The following KCNJ6 variants were observed in gnomAD, a reference collection of about 807,000 sequenced individuals.
KCNJ6 encodes G protein-activated inward rectifier potassium channel 2.
A neutral mutation model predicts 34.2 loss-of-function variants in KCNJ6; 9 were observed. The observed-to-expected ratio is 0.26, with a 90% CI of 0.16 to 0.46. The LOEUF (loss-of-function observed/expected upper bound fraction) is 0.46, where lower values mean the gene tolerates loss of function less well. Among genes scored for constraint, KCNJ6 ranks in the 20% least tolerant of loss-of-function variants. The pLI, the probability that KCNJ6 is intolerant of heterozygous loss-of-function variation, is 1.00. For synonymous variants in KCNJ6, 196 were observed against 207.1 expected (o/e 0.95, Z 0.46); for missense variants, 236 against 531.3 (o/e 0.44, Z 5.46).
At chr21:37,761,371 T>A (rs2055061910) in intron 2 of KCNJ6, among the ~76,000 whole-genome samples, 1 of 151,400 alleles carries the variant, frequency 6.6e-6, no homozygotes, top group Non-Finnish European at 1.5e-5. Flanking sequence ...TGTGTGTGTA[T>A]ATTTGTGTGT....
At position 37,831,800 on chromosome 21, in the gene KCNJ6, G is replaced by A. The variant is rs1159262260; in HGVS notation, c.25+8858C>T. On this transcript the variant is annotated intron_variant, in intron 2 of 3. Transcript: ENST00000609713. ...GGGGAATGCGCAAGGAGGGGAAGTGGAGAATTGTCAGAAGGCGGTCTTGCG... is the reference window on the plus strand; with the variant it reads ...GGGGAATGCGCAAGGAGGGGAAGTGAAGAATTGTCAGAAGGCGGTCTTGCG... Among the ~76,000 whole-genome samples the A allele has an allele frequency of 3.3e-5, 5 of 152,184 alleles. No homozygotes were observed. In the East Asian group the frequency reaches 7.7e-4, roughly 23 times the overall value.
At chr21:37,681,857 G>A (rs2054592290) in intron 3 of KCNJ6, among the ~76,000 whole-genome samples, 1 of 152,170 alleles carries the variant, frequency 6.6e-6, no homozygotes, top group Non-Finnish European at 1.5e-5. Flanking sequence ...TTGGTTCAGT[G>A]AGACCACTCA....
chr21:37,840,590 C>CT (rs533818385), intron 2 of KCNJ6, 68 bp downstream of exon 2: 89 of 1,112,950 alleles, frequency 8.0e-5, no homozygotes, highest in Admixed American at 5.4e-4. Context: ...CACGGGATGT[C>CT]TTTTTTGTGC....
At chr21:37,642,830 CAAAA>C (rs1569435888) in intron 3 of KCNJ6, among the ~76,000 whole-genome samples, 2 of 151,862 alleles carry the variant, frequency 1.3e-5, no homozygotes, top group Non-Finnish European at 2.9e-5. Context: ...TCTACTAAAA[CAAAA>C]AAAGATACTT....
chr21:37,876,152 T>C (rs2055676887), intron 1 of KCNJ6, among the ~76,000 whole-genome samples: 1 of 152,212 alleles, frequency 6.6e-6, no homozygotes, highest in African/African-American at 2.4e-5. Flanking sequence ...TGGGGTCCTG[T>C]GCAACTGCCT....
intron 3 of KCNJ6, among the ~76,000 whole-genome samples, chr21:37,705,323 T>A (rs2123441432): frequency 6.6e-6 from 1 of 152,294 alleles, no homozygotes; most frequent in East Asian, 1.9e-4. Context: ...CTGGGTGACC[T>A]TGGCCAAGTT....
At chr21:37,644,657 C>T (rs187753242) in intron 3 of KCNJ6, among the ~76,000 whole-genome samples, 155 of 152,296 alleles carry the variant, frequency 1.0e-3, no homozygotes, top group Admixed American at 1.7e-3. Flanking sequence ...ACACAGCTTA[C>T]GCCTGGCCTA....
chr21:37,774,199 T>C (rs2055130949), intron 2 of KCNJ6, among the ~76,000 whole-genome samples: 1 of 152,194 alleles, frequency 6.6e-6, no homozygotes, highest in African/African-American at 2.4e-5. Flanking sequence ...GGTAAGTTTC[T>C]TAATCTCTCT....
At position 37,619,552 on chromosome 21, in the gene KCNJ6, A is replaced by G. The variant is rs906136762; in HGVS notation, c.*5607T>C. The G allele has an allele frequency of 6.6e-6, 1 of 152,226 alleles. No individual in the cohort carries two copies. Among genetic ancestry groups the G allele is most frequent in the Non-Finnish European group, 1.5e-5 (1 of 68,036 alleles). 9.4% of individuals were successfully genotyped at this position (152,226 alleles called of 1,614,324 possible). A position where few individuals can be genotyped will look rare whatever the true frequency, so the allele number is the denominator to read the frequency against. ...AGAGCAAAAACTAGCGCAATTAAAC[A>G]TGAGCTAGTTCCAGGTTCACGTTCA... On this transcript the variant is annotated 3_prime_UTR_variant, in exon 4 of 4. Coordinates refer to ENST00000609713, the MANE Select transcript of KCNJ6 (RefSeq NM_002240.5).
intron 1 of KCNJ6, among the ~76,000 whole-genome samples, chr21:37,895,285 A>T (rs1218822242): frequency 6.6e-6 from 1 of 152,216 alleles, no homozygotes; most frequent in African/African-American, 2.4e-5. Flanking sequence ...TATCTTGCCA[A>T]CTTTAGCTGC....
At chr21:37,847,249 C>T (rs1246811969) in intron 1 of KCNJ6, among the ~76,000 whole-genome samples, 1 of 152,170 alleles carries the variant, frequency 6.6e-6, no homozygotes, top group African/African-American at 2.4e-5. Context: ...CTCCTTAATT[C>T]TCACAAGGAC....
intron 3 of KCNJ6, among the ~76,000 whole-genome samples, chr21:37,692,886 T>C (rs976715647): frequency 3.9e-5 from 6 of 152,216 alleles, no homozygotes; most frequent in African/African-American, 1.4e-4. Flanking sequence ...TAGCATTAGA[T>C]ATGCTAAGCT....
intron 1 of KCNJ6, among the ~76,000 whole-genome samples, chr21:37,852,584 G>A (rs1568872000): frequency 1.3e-5 from 2 of 152,196 alleles, no homozygotes. Flanking sequence ...TGATGTCAGA[G>A]GAGTCCTGCT....
At chr21:37,691,258 C>T (rs1024183062) in intron 3 of KCNJ6, among the ~76,000 whole-genome samples, 1 of 152,196 alleles carries the variant, frequency 6.6e-6, no homozygotes, top group Admixed American at 6.5e-5. Flanking sequence ...CACCCCTAGG[C>T]TCAGGTGTAG....
At chr21:37,854,751 A>G (rs1044950084) in intron 1 of KCNJ6, among the ~76,000 whole-genome samples, 1 of 152,204 alleles carries the variant, frequency 6.6e-6, no homozygotes, top group African/African-American at 2.4e-5. Flanking sequence ...CACATGAGAT[A>G]TTCATAAATA....
At chr21:37,857,032 CA>C (rs1458191567) in intron 1 of KCNJ6, among the ~76,000 whole-genome samples, 1 of 152,188 alleles carries the variant, frequency 6.6e-6, no homozygotes, top group African/African-American at 2.4e-5. Flanking sequence ...CCCACTGAAT[CA>C]AAATCTCTGC....
intron 2 of KCNJ6, among the ~76,000 whole-genome samples, chr21:37,725,203 G>A (rs1363952917): frequency 6.6e-6 from 1 of 152,136 alleles, no homozygotes; most frequent in Non-Finnish European, 1.5e-5. Context: ...GACCAACCTG[G>A]CCAACATAGT....
At chr21:37,850,564 C>T (rs1042212575) in intron 1 of KCNJ6, among the ~76,000 whole-genome samples, 2 of 152,224 alleles carry the variant, frequency 1.3e-5, no homozygotes, top group Admixed American at 1.3e-4. Flanking sequence ...TCCCCACCCC[C>T]TCCTCCTGCC....
intron 2 of KCNJ6, among the ~76,000 whole-genome samples, chr21:37,796,302 C>G (rs1020277274): frequency 6.6e-6 from 1 of 151,998 alleles, no homozygotes; most frequent in African/African-American, 2.4e-5. Context: ...GGAAACAAAG[C>G]GAAATTAGAG....
Sources: allele counts gnomAD v4.1 joint callset (sites outside exome capture counted in the v4.1 genomes callset), GRCh38; gene constraint gnomAD v4.1.1; transcripts MANE v1.5; gene names NCBI Gene and HGNC (gene_info 2026-07-23, HGNC 2026-07-21).